PRDM16: variants seen among roughly 807,000 people sequenced by gnomAD.
PRDM16 encodes histone-lysine N-methyltransferase PRDM16.
Under a neutral mutation model 110.6 loss-of-function variants are expected in PRDM16, and 23 were observed. The observed-to-expected ratio is 0.21, with a 90% CI of 0.15 to 0.29. The LOEUF is 0.29. Ranked by LOEUF, PRDM16 falls within the 10% of genes least tolerant of loss-of-function variation. PRDM16 has a pLI of 1.00. For synonymous variants in PRDM16, 799 were observed against 781.8 expected (o/e 1.02, Z -0.37); for missense variants, 1,615 against 1,794.3 (o/e 0.90, Z 1.81).
chr1:3,383,190 T>C (rs1643134587), intron 3 of PRDM16, among the ~76,000 whole-genome samples: 1 of 152,194 alleles, frequency 6.6e-6, no homozygotes, highest in African/African-American at 2.4e-5. Context: ...CTGCCGTCTC[T>C]GAAATAAGAC....
chr1:3,282,924 T>G (rs573630525), intron 3 of PRDM16, among the ~76,000 whole-genome samples: 1 of 152,170 alleles, frequency 6.6e-6, no homozygotes, highest in Non-Finnish European at 1.5e-5. Context: ...CGTGGTAGTA[T>G]TAGGGCGGTT....
In PRDM16 at chr1:3,412,473, G is replaced by C; in HGVS notation, c.2276G>C (p.Arg759Pro). ...GTCAAGGCCGAGCCAAAGTCACCCC[G>C]GGACGCCCTCAAGGTGGGCGGCCCC... ...LLVKAEPKSP[R>P]DALKVGGPSA... is the part of the protein sequence containing the mutation. Residue 759 changes from arginine (R) to proline (P), a missense_variant, in exon 9 of 17, where the codon CGG becomes CCG. Arg to Pro is a moderately radical substitution (Grantham distance 103). Coordinates refer to ENST00000270722, the MANE Select transcript of PRDM16 (RefSeq NM_022114.4). 1 of 1,612,826 alleles carries C rather than the reference G, an allele frequency of 6.2e-7. No individual in the cohort carries two copies. Among genetic ancestry groups the C allele is most frequent in the Non-Finnish European group, 8.5e-7 (1 of 1,179,894 alleles).
chr1:3,306,832 C>T (rs1468997004), intron 3 of PRDM16: 1 of 152,144 alleles, frequency 6.6e-6, no homozygotes, highest in Non-Finnish European at 1.5e-5. Context: ...CCGCACTCTC[C>T]CCATGTCCCC....
chr1:3,364,610 C>T (rs1406919420), intron 3 of PRDM16, among the ~76,000 whole-genome samples: 3 of 152,208 alleles, frequency 2.0e-5, no homozygotes, highest in African/African-American at 7.2e-5. Flanking sequence ...GCACGTGGCC[C>T]CCTGGTGCAA....
intron 1 of PRDM16, among the ~76,000 whole-genome samples, chr1:3,150,330 C>G (rs1325930038): frequency 1.3e-5 from 2 of 148,350 alleles, no homozygotes; most frequent in Non-Finnish European, 3.0e-5. Flanking sequence ...CTAAGTTGGG[C>G]AGGTGACTTG....
At chr1:3,251,047 C>T (rs1639917999) in intron 3 of PRDM16, among the ~76,000 whole-genome samples, 1 of 152,176 alleles carries the variant, frequency 6.6e-6, no homozygotes, top group Non-Finnish European at 1.5e-5. Flanking sequence ...AACTTAAATT[C>T]CAGTAGGAGA....
intron 3 of PRDM16, among the ~76,000 whole-genome samples, chr1:3,300,811 G>A (rs1317725575): frequency 1.3e-5 from 2 of 152,180 alleles, no homozygotes; most frequent in South Asian, 2.1e-4. Flanking sequence ...CTGAGCAACC[G>A]TGTATGGAAA....
At chr1:3,132,430 A>G (rs1186817209) in intron 1 of PRDM16, among the ~76,000 whole-genome samples, 1 of 152,184 alleles carries the variant, frequency 6.6e-6, no homozygotes, top group Non-Finnish European at 1.5e-5. Flanking sequence ...AGAACTTTCT[A>G]GAACCTTCTA....
intron 3 of PRDM16, among the ~76,000 whole-genome samples, chr1:3,324,244 AGGAGCCCCAAGGAG>A (rs1469253336): frequency 6.6e-6 from 1 of 152,032 alleles, no homozygotes; most frequent in East Asian, 1.9e-4. Context: ...CTGGGGCACT[AGGAGCCCCAAGGAG>A]GGGGCTCCGC....
chr1:3,420,119 C>T (rs1638387723), intron 12 of PRDM16, among the ~76,000 whole-genome samples: 1 of 152,146 alleles, frequency 6.6e-6, no homozygotes, highest in Admixed American at 6.5e-5. Context: ...ATTTAATTAT[C>T]ATTGATTTCT....
At chr1:3,114,165 GCACACACA>G (rs778067599) in intron 1 of PRDM16, among the ~76,000 whole-genome samples, 5 of 129,050 alleles carry the variant, frequency 3.9e-5, no homozygotes, top group South Asian at 2.4e-4. Flanking sequence ...ACACACACAC[GCACACACA>G]CGCACACACA....
chr1:3,388,675 G>A (rs1643243584), intron 4 of PRDM16, among the ~76,000 whole-genome samples: 1 of 152,210 alleles, frequency 6.6e-6, no homozygotes, highest in Non-Finnish European at 1.5e-5. Context: ...GACCCAGGCT[G>A]GGGCTTTCCC....
intron 4 of PRDM16, chr1:3,386,816 G>C (rs1569643902): frequency 6.6e-6 from 1 of 152,186 alleles, no homozygotes; most frequent in African/African-American, 2.4e-5. Context: ...GCACCGCGGG[G>C]CTGGGCCAGG....
chr1:3,218,111 A>G (rs779865056), intron 2 of PRDM16, among the ~76,000 whole-genome samples: 10 of 152,228 alleles, frequency 6.6e-5, no homozygotes, highest in Non-Finnish European at 1.5e-4. Flanking sequence ...GGCCAAGTGA[A>G]GAAGAGTCGC....
At chr1:3,150,495 T>C (rs568581716) in intron 1 of PRDM16, among the ~76,000 whole-genome samples, 6 of 152,078 alleles carry the variant, frequency 3.9e-5, no homozygotes, top group Admixed American at 3.9e-4. Context: ...GAGGCGGAGA[T>C]TGCAGTGAGC....
chr1:3,268,750 TG>T (rs1313606372), intron 3 of PRDM16, among the ~76,000 whole-genome samples: 11 of 152,212 alleles, frequency 7.2e-5, no homozygotes, highest in Non-Finnish European at 1.6e-4. Flanking sequence ...CAGAGTCCAT[TG>T]GGGTCACTAG....
At chr1:3,076,909 T>TG (rs980060211) in intron 1 of PRDM16, among the ~76,000 whole-genome samples, 2 of 152,080 alleles carry the variant, frequency 1.3e-5, no homozygotes, top group Non-Finnish European at 2.9e-5. Context: ...TGGGTGTTTT[T>TG]GGGGGGGACA....
rs557463823 is a variant in PRDM16 at position 3,288,426 on chromosome 1, AGGG to A, written c.438+44290_438+44292del. On this transcript the variant is annotated intron_variant, in intron 3 of 16. Coordinates refer to ENST00000270722, the MANE Select transcript of PRDM16 (RefSeq NM_022114.4). ...CTGGGCTCTATGTCCCACGGCTGGA[AGGG>A]AACGCCCTCACCTTGAGGGCTCCAG... Among the ~76,000 whole-genome samples, 22 of 152,280 alleles carry A rather than the reference AGGG, an allele frequency of 1.4e-4. No homozygotes were observed. The South Asian group carries it at 4.3e-3, about 30-fold the overall frequency.
chr1:3,106,341 G>A (rs902192726), intron 1 of PRDM16, among the ~76,000 whole-genome samples: 5 of 152,216 alleles, frequency 3.3e-5, no homozygotes, highest in Non-Finnish European at 7.3e-5. Flanking sequence ...AGAGGGGCCG[G>A]GGCACTGGGC....
Sources: gnomAD v4.1 joint callset for allele counts (sites outside exome capture counted in the v4.1 genomes callset) on GRCh38, gnomAD v4.1.1 for gene constraint, MANE v1.5 for transcripts, NCBI Gene and HGNC (gene_info 2026-07-23, HGNC 2026-07-21) for gene names.